Variants in PLPPR5 observed in about 807,000 individuals in gnomAD.
PLPPR5 encodes the protein phospholipid phosphatase related 5, also known as phospholipid phosphatase-related protein type 5.
In PLPPR5, 16 loss-of-function variants were observed where a neutral mutation model predicts 33.9. The observed-to-expected ratio is 0.47, with a 90% CI of 0.32 to 0.72. PLPPR5 has a LOEUF of 0.72. Among genes scored for constraint, PLPPR5 ranks in the 30% least tolerant of loss-of-function variants. The pLI is 0.03. For missense variants in PLPPR5, 301 were observed against 406.7 expected, an observed-to-expected ratio of 0.74 and a Z score of 2.23; for synonymous variants, 163 against 150.3, an observed-to-expected ratio of 1.08 and a Z score of -0.62.
chr1:98,961,054 C>T (rs540941159), intron 1 of PLPPR5, among the ~76,000 whole-genome samples: 1 of 152,288 alleles, frequency 6.6e-6, no homozygotes, highest in African/African-American at 2.4e-5. Flanking sequence ...GACTACCTAA[C>T]CTAGTCTGAA....
intron 1 of PLPPR5, among the ~76,000 whole-genome samples, chr1:98,999,820 C>T (rs955066178): frequency 3.1e-4 from 47 of 152,252 alleles, no homozygotes; most frequent in Admixed American, 3.0e-3. Context: ...TCTGAGTCTC[C>T]GGGTCCAGAG....
At chr1:98,932,233 ATATTT>A (rs1243134728) in intron 3 of PLPPR5, among the ~76,000 whole-genome samples, 4 of 152,218 alleles carry the variant, frequency 2.6e-5, no homozygotes, top group African/African-American at 9.6e-5. Context: ...GATTAATAAT[ATATTT>A]TAAGTACAAC....
At chr1:98,994,988 A>C (rs1471221396) in intron 1 of PLPPR5, among the ~76,000 whole-genome samples, 1 of 152,158 alleles carries the variant, frequency 6.6e-6, no homozygotes, top group Admixed American at 6.6e-5. Flanking sequence ...GCTATTATTA[A>C]AAAGTCAAAA....
At chr1:98,945,589 T>G (rs1201246015) in intron 3 of PLPPR5, among the ~76,000 whole-genome samples, 1 of 152,188 alleles carries the variant, frequency 6.6e-6, no homozygotes, top group Non-Finnish European at 1.5e-5. Context: ...TGAATAACCC[T>G]GGACAAGTCA....
At chr1:98,924,551 T>G (rs1237017225) in intron 3 of PLPPR5, among the ~76,000 whole-genome samples, 4 of 152,144 alleles carry the variant, frequency 2.6e-5, no homozygotes, top group Non-Finnish European at 4.4e-5. Context: ...TGGGAAATAG[T>G]GTGTGGTCCT....
chr1:98,919,807 A>G (rs1649480805), intron 4 of PLPPR5, among the ~76,000 whole-genome samples: 1 of 152,144 alleles, frequency 6.6e-6, no homozygotes, highest in Non-Finnish European at 1.5e-5. Context: ...GAGGAAGCAA[A>G]CTATAGTTTA....
At chr1:98,917,391 A>C (rs555771575) in intron 4 of PLPPR5, among the ~76,000 whole-genome samples, 2 of 152,228 alleles carry the variant, frequency 1.3e-5, no homozygotes, top group Admixed American at 1.3e-4. Context: ...ATCTCTCTAA[A>C]TCTAATCTTG....
rs192552031 is a variant in PLPPR5, at chr1:98,938,778, T to C, written c.621+14292A>G. Among the ~76,000 whole-genome samples, 433 of 152,234 alleles carry C rather than the reference T, an allele frequency of 2.8e-3. 2 individuals are homozygous for C. Among genetic ancestry groups the C allele is most frequent in the African/African-American group, 0.01 (417 of 41,568 alleles). The stretch of plus-strand genomic sequence containing the variant: ...AAGAATATGTAGCACATATATACCA[T>C]GGAATACTATGCAGCTGTAAAAATA... On this transcript the variant is annotated intron_variant, in intron 3 of 5. Coordinates refer to ENST00000263177, the MANE Select transcript of PLPPR5 (RefSeq NM_001037317.2).
chr1:98,903,637 TA>T (rs796585914), intron 5 of PLPPR5, among the ~76,000 whole-genome samples: 105 of 148,162 alleles, frequency 7.1e-4, no homozygotes, highest in African/African-American at 1.8e-3. Context: ...AGTGTGAAAT[TA>T]AAAAAAAAAA....
At chr1:98,948,311 T>A (rs115777576) in intron 3 of PLPPR5, among the ~76,000 whole-genome samples, 164 of 152,248 alleles carry the variant, frequency 1.1e-3, no homozygotes, top group African/African-American at 3.8e-3. Flanking sequence ...GTGAGCTTAT[T>A]ATAAAAGATG....
chr1:98,941,296 G>A lies in PLPPR5; in HGVS notation c.621+11774C>T, dbSNP rs1281453369. 1.3e-5 allele frequency among the ~76,000 whole-genome samples: 2 copies of A among 151,726 alleles called. 1 individual carries two copies. The highest frequency in any genetic ancestry group is 2.9e-5 in the Non-Finnish European group (2 of 67,894). On this transcript the variant is annotated intron_variant, in intron 3 of 5. Transcript: ENST00000263177. Reference sequence around the variant, plus strand: ...GCTCAAATAGAGGGAATAATTAAGAGTATCTATGCTACTGAGAAGGCCAGC... The same window carrying A: ...GCTCAAATAGAGGGAATAATTAAGAATATCTATGCTACTGAGAAGGCCAGC...
intron 5 of PLPPR5, among the ~76,000 whole-genome samples, chr1:98,910,004 G>C (rs1214984680): frequency 6.6e-6 from 1 of 152,114 alleles, no homozygotes; most frequent in South Asian, 2.1e-4. Context: ...ATAATTAAGG[G>C]ATAAATTGCT....
At chr1:98,969,454 G>A (rs1651575327) in intron 1 of PLPPR5, among the ~76,000 whole-genome samples, 1 of 152,004 alleles carries the variant, frequency 6.6e-6, no homozygotes, top group Non-Finnish European at 1.5e-5. Context: ...ACCCAGGTAG[G>A]AAACTAAAAA....
At chr1:98,945,349 GT>G (rs1650512906) in intron 3 of PLPPR5, among the ~76,000 whole-genome samples, 1 of 152,178 alleles carries the variant, frequency 6.6e-6, no homozygotes, top group Non-Finnish European at 1.5e-5. Context: ...GAGCACACAC[GT>G]TTTCAACTAT....
At chr1:98,931,543 CA>C (rs529496605) in intron 3 of PLPPR5, among the ~76,000 whole-genome samples, 210 of 152,254 alleles carry the variant, frequency 1.4e-3, no homozygotes, top group African/African-American at 4.9e-3. Context: ...ACATGCAGTA[CA>C]GGAGTCAAGG....
chr1:98,964,621 A>G (rs1267819836), intron 1 of PLPPR5, among the ~76,000 whole-genome samples: 2 of 151,992 alleles, frequency 1.3e-5, no homozygotes, highest in African/African-American at 4.8e-5. Context: ...ACTAAACTCA[A>G]CCCATCCCTA....
chr1:98,989,111 G>A (rs533610515), intron 1 of PLPPR5, among the ~76,000 whole-genome samples: 6 of 152,068 alleles, frequency 3.9e-5, no homozygotes, highest in South Asian at 2.1e-4. Context: ...GACACTTCTC[G>A]TTGCACATGA....
intron 3 of PLPPR5, among the ~76,000 whole-genome samples, chr1:98,948,207 A>G (rs1650632333): frequency 6.6e-6 from 1 of 152,148 alleles, no homozygotes; most frequent in South Asian, 2.1e-4. Context: ...ATAAGTCTCA[A>G]AAGAAGAGAG....
chr1:98,932,264 T>C (rs546521123), intron 3 of PLPPR5, among the ~76,000 whole-genome samples: 4 of 152,222 alleles, frequency 2.6e-5, no homozygotes, highest in Non-Finnish European at 4.4e-5. Context: ...TTAAATAGGC[T>C]TTTGAAGGCT....
Sources: gnomAD v4.1 joint callset for allele counts (sites outside exome capture counted in the v4.1 genomes callset) on GRCh38, gnomAD v4.1.1 for gene constraint, MANE v1.5 for transcripts, NCBI Gene and HGNC (gene_info 2026-07-23, HGNC 2026-07-21) for gene names.